CCDC149: variants seen among roughly 807,000 people sequenced by gnomAD.
CCDC149 encodes the protein coiled-coil domain containing 149.
CCDC149 carries 45 observed loss-of-function variants against 59.9 expected under a neutral mutation model. The observed-to-expected ratio is 0.75, with a 90% CI of 0.59 to 0.96. The LOEUF is 0.96. Ranked by LOEUF, CCDC149 falls within the 40% of genes least tolerant of loss-of-function variation. CCDC149 has a pLI of 0.00. For synonymous variants in CCDC149, 245 were observed against 260.6 expected (o/e 0.94, Z 0.58); for missense variants, 584 against 664.7 (o/e 0.88, Z 1.33).
chr4:24,926,844 C>T (rs1305840035), intron 1 of CCDC149, among the ~76,000 whole-genome samples: 2 of 152,154 alleles, frequency 1.3e-5, no homozygotes, highest in Non-Finnish European at 1.5e-5. Flanking sequence ...GCTGGGAGAA[C>T]TTGAAGACGA....
At chr4:24,842,967 GC>G (rs1189348566) in intron 4 of CCDC149, among the ~76,000 whole-genome samples, 2 of 151,978 alleles carry the variant, frequency 1.3e-5, no homozygotes, top group African/African-American at 4.8e-5. Context: ...CTAGCTATGT[GC>G]CCTTGGCAAG....
In CCDC149 at chr4:24,831,574, C is replaced by T. The variant is rs765208455; in HGVS notation, c.897G>A (p.Leu299=). The change falls in exon 9 of 13, where the codon CTG becomes CTA. Residue 299 remains leucine, a synonymous_variant. Transcript: ENST00000635206. ...GGATTGTTTCCAACAGGGCTGTTGCCAGAGATTTCAGGTCAGAAATGGACT... is the reference window on the plus strand; with the variant it reads ...GGATTGTTTCCAACAGGGCTGTTGCTAGAGATTTCAGGTCAGAAATGGACT... 1.2e-5 allele frequency: 19 copies of T among 1,614,058 alleles called. No homozygotes were observed. The highest frequency in any genetic ancestry group is 1.5e-5 in the Non-Finnish European group (18 of 1,180,000).
chr4:24,809,279 G>A (rs1353637247), intron 12 of CCDC149, among the ~76,000 whole-genome samples: 2 of 152,196 alleles, frequency 1.3e-5, no homozygotes, highest in Non-Finnish European at 2.9e-5. Context: ...CCTTCTCCAC[G>A]ATTCTCCATC....
At chr4:24,954,514 A>G (rs1231780067) in intron 1 of CCDC149, among the ~76,000 whole-genome samples, 4 of 152,228 alleles carry the variant, frequency 2.6e-5, no homozygotes, top group Non-Finnish European at 5.9e-5. Context: ...GCATGCCTGC[A>G]GCATTAGCAC....
intron 3 of CCDC149, among the ~76,000 whole-genome samples, chr4:24,857,070 C>A (rs916464465): frequency 9.2e-5 from 14 of 152,090 alleles, no homozygotes; most frequent in African/African-American, 3.1e-4. Context: ...GTAAGGGCAA[C>A]AATGAAAACG....
rs75544172 is a variant in CCDC149 at position 24,850,182 on chromosome 4, G to C, written c.372+2890C>G. 9.6e-3 allele frequency among the ~76,000 whole-genome samples: 1,439 copies of C among 149,348 alleles called. 9 individuals are homozygous for C. Among genetic ancestry groups the C allele is most frequent in the Non-Finnish European group, 0.016 (1,041 of 67,126 alleles). ...CTTGAATCATTTTGCTCTTCTTTTTGTTCCCTTTATTCATTCATTTCATTC... is the reference window on the plus strand; with the variant it reads ...CTTGAATCATTTTGCTCTTCTTTTTCTTCCCTTTATTCATTCATTTCATTC... On this transcript the variant is annotated intron_variant, in intron 4 of 12. Coordinates refer to ENST00000635206, the MANE Select transcript of CCDC149 (RefSeq NM_001330643.2).
intron 4 of CCDC149, among the ~76,000 whole-genome samples, chr4:24,838,859 C>G (rs1212809658): frequency 6.6e-6 from 1 of 151,356 alleles, no homozygotes; most frequent in Non-Finnish European, 1.5e-5. Context: ...GTGCAACCAA[C>G]CAAGTGGCTA....
chr4:24,894,179 T>G (rs1560241978), intron 1 of CCDC149, among the ~76,000 whole-genome samples: 2 of 152,206 alleles, frequency 1.3e-5, no homozygotes, highest in Non-Finnish European at 2.9e-5. Context: ...CAATGAATGT[T>G]TCCTTTTTCC....
At chr4:24,959,066 C>T (rs1027870404) in intron 1 of CCDC149, among the ~76,000 whole-genome samples, 3 of 149,322 alleles carry the variant, frequency 2.0e-5, no homozygotes, top group Non-Finnish European at 3.0e-5. Context: ...CTCCGCCTCC[C>T]GGGTTCAAGC....
At chr4:24,934,255 T>C (rs966688210) in intron 1 of CCDC149, among the ~76,000 whole-genome samples, 1 of 152,178 alleles carries the variant, frequency 6.6e-6, no homozygotes, top group African/African-American at 2.4e-5. Flanking sequence ...TCCCCCATAC[T>C]GTTCTCATGG....
intron 8 of CCDC149, among the ~76,000 whole-genome samples, chr4:24,834,555 G>T (rs1716368663): frequency 1.3e-5 from 2 of 152,186 alleles, no homozygotes; most frequent in South Asian, 4.1e-4. Context: ...TGCTGAATTG[G>T]TGATTAGGAA....
chr4:24,893,974 T>A (rs934003665), intron 1 of CCDC149, among the ~76,000 whole-genome samples: 1 of 152,134 alleles, frequency 6.6e-6, no homozygotes, highest in East Asian at 1.9e-4. Context: ...ATTCACTCAT[T>A]CATTCCTTCA....
chr4:24,914,310 G>A (rs1369143008), upstream of CCDC149, among the ~76,000 whole-genome samples: 2 of 147,640 alleles, frequency 1.4e-5, no homozygotes, highest in African/African-American at 5.0e-5. Context: ...CCCTTGCCCT[G>A]CCACTGTCTC....
At chr4:24,922,445 C>A (rs933897718) in intron 1 of CCDC149, among the ~76,000 whole-genome samples, 1 of 152,186 alleles carries the variant, frequency 6.6e-6, no homozygotes, top group Admixed American at 6.5e-5. Flanking sequence ...TTCCTCCATG[C>A]AATCCACATC....
intron 1 of CCDC149, among the ~76,000 whole-genome samples, chr4:24,951,320 C>T (rs1027134853): frequency 6.6e-6 from 1 of 152,202 alleles, no homozygotes; most frequent in Admixed American, 6.5e-5. Context: ...TCAGGGTGGA[C>T]AGCGTGGCCC....
chr4:24,878,570 C>T (rs1379545996), intron 1 of CCDC149, among the ~76,000 whole-genome samples: 1 of 152,232 alleles, frequency 6.6e-6, no homozygotes, highest in African/African-American at 2.4e-5. Context: ...TTTAACACAT[C>T]TGCCCTTGTT....
At chr4:24,920,357 C>G (rs994328962) in intron 1 of CCDC149, among the ~76,000 whole-genome samples, 1 of 152,222 alleles carries the variant, frequency 6.6e-6, no homozygotes, top group African/African-American at 2.4e-5. Context: ...CAAGTGAAGC[C>G]CCGCCTCATG....
intron 1 of CCDC149, among the ~76,000 whole-genome samples, chr4:24,962,315 G>A (rs1181861437): frequency 6.6e-6 from 1 of 152,024 alleles, no homozygotes; most frequent in Non-Finnish European, 1.5e-5. Context: ...GAAACAACAG[G>A]TGCTGGAGAG....
chr4:24,936,743 G>A (rs1013700459), intron 1 of CCDC149, among the ~76,000 whole-genome samples: 10 of 152,300 alleles, frequency 6.6e-5, no homozygotes, highest in Middle Eastern at 3.4e-3. Context: ...GGTGGAATGG[G>A]AGTTTTAGAG....
Sources: gnomAD v4.1 joint callset for allele counts (sites outside exome capture counted in the v4.1 genomes callset) on GRCh38, gnomAD v4.1.1 for gene constraint, MANE v1.5 for transcripts, NCBI Gene and HGNC (gene_info 2026-07-23, HGNC 2026-07-21) for gene names.